The following CSMD1 variants were observed in gnomAD, a reference collection of about 807,000 sequenced individuals.
CSMD1 encodes CUB and Sushi multiple domains 1.
CSMD1 carries 213 observed loss-of-function variants against 417.5 expected under a neutral mutation model. The observed-to-expected ratio is 0.51, with a 90% confidence interval of 0.46 to 0.57. CSMD1 has a LOEUF of 0.57. Ranked by LOEUF, CSMD1 falls within the 20% of genes least tolerant of loss-of-function variation. The pLI is 0.00. For synonymous variants in CSMD1, 2,862 were observed against 1,736.8 expected (o/e 1.65, Z -16.11); for missense variants, 6,923 against 4,529.7 (o/e 1.53, Z -15.17).
intron 2 of CSMD1, among the ~76,000 whole-genome samples, chr8:4,431,571 A>G (rs1480859708): frequency 6.6e-6 from 1 of 152,138 alleles, no homozygotes; most frequent in Non-Finnish European, 1.5e-5. Flanking sequence ...CCCCATTTCA[A>G]AACTTTGCTC....
At chr8:4,146,242 C>G (rs1271106684) in intron 3 of CSMD1, among the ~76,000 whole-genome samples, 1 of 151,002 alleles carries the variant, frequency 6.6e-6, no homozygotes, top group Non-Finnish European at 1.5e-5. Context: ...AAACCTCTCC[C>G]AGGACCCTCA....
intron 11 of CSMD1, among the ~76,000 whole-genome samples, chr8:3,474,344 C>T (rs946346053): frequency 6.6e-6 from 1 of 152,050 alleles, no homozygotes; most frequent in Non-Finnish European, 1.5e-5. Flanking sequence ...GGAGCTGTCA[C>T]ATGTGTAAAT....
chr8:4,025,969 T>C (rs1797044394), intron 4 of CSMD1, among the ~76,000 whole-genome samples: 1 of 151,070 alleles, frequency 6.6e-6, no homozygotes, highest in Non-Finnish European at 1.5e-5. Flanking sequence ...TGGCAAAAGA[T>C]CATTGTAGAA....
intron 3 of CSMD1, among the ~76,000 whole-genome samples, chr8:4,153,658 C>T (rs1475090572): frequency 2.0e-5 from 3 of 152,196 alleles, no homozygotes; most frequent in Admixed American, 2.0e-4. Context: ...CCTTTATTTT[C>T]TCATAACGTC....
At chr8:4,523,717 C>G (rs1302491061) in intron 2 of CSMD1, among the ~76,000 whole-genome samples, 1 of 152,180 alleles carries the variant, frequency 6.6e-6, no homozygotes, top group Non-Finnish European at 1.5e-5. Context: ...CTCCTGTTCA[C>G]ACCTCATGGA....
chr8:4,492,835 C>A (rs2130226855), intron 2 of CSMD1, among the ~76,000 whole-genome samples: 1 of 152,314 alleles, frequency 6.6e-6, no homozygotes, highest in South Asian at 2.1e-4. Context: ...GATGCTGCTT[C>A]TCATGCATAC....
Position 3,768,798 on chromosome 8 carries a change from G to T in CSMD1, c.819-14756C>A, listed in dbSNP as rs573784874. 3.9e-5 allele frequency among the ~76,000 whole-genome samples: 6 copies of T among 152,316 alleles called. No homozygotes were observed. In the East Asian group the frequency reaches 1.2e-3, roughly 29 times the overall value. ...AATCGTAAGGCTTGTCCTAAGTTTT[G>T]CTGGTAACTTGCTAATCCATTACTT... is the stretch of plus-strand genomic sequence containing the variant. On this transcript the variant is annotated intron_variant, in intron 5 of 69. Transcript: ENST00000635120.
At chr8:4,828,983 T>C (rs1033773639) in intron 1 of CSMD1, among the ~76,000 whole-genome samples, 3 of 152,164 alleles carry the variant, frequency 2.0e-5, no homozygotes, top group Non-Finnish European at 4.4e-5. Flanking sequence ...TGACACATGA[T>C]TATTTATCAA....
intron 2 of CSMD1, among the ~76,000 whole-genome samples, chr8:4,443,182 T>C (rs535981597): frequency 6.6e-6 from 1 of 152,332 alleles, no homozygotes; most frequent in South Asian, 2.1e-4. Flanking sequence ...CTTACAGTGA[T>C]ATATTACTGA....
chr8:4,103,996 C>A (rs778440532), intron 3 of CSMD1, among the ~76,000 whole-genome samples: 2 of 152,208 alleles, frequency 1.3e-5, no homozygotes, highest in South Asian at 4.1e-4. Context: ...AAGAGTGCCC[C>A]AGCTGCACAC....
intron 2 of CSMD1, among the ~76,000 whole-genome samples, chr8:4,462,702 T>A (rs902477214): frequency 6.6e-6 from 1 of 152,222 alleles, no homozygotes; most frequent in Non-Finnish European, 1.5e-5. Flanking sequence ...CCCGTCAATT[T>A]GATTTTTGAC....
intron 5 of CSMD1, among the ~76,000 whole-genome samples, chr8:3,995,987 T>C (rs759517532): frequency 5.9e-5 from 9 of 152,194 alleles, no homozygotes; most frequent in Non-Finnish European, 1.2e-4. Flanking sequence ...GTAGTCTCTC[T>C]GGCTATCTGT....
intron 7 of CSMD1, among the ~76,000 whole-genome samples, chr8:3,629,465 T>G (rs1796665819): frequency 6.6e-6 from 1 of 152,230 alleles, no homozygotes; most frequent in Non-Finnish European, 1.5e-5. Context: ...TGGGAAAATT[T>G]AATGACATGG....
intron 26 of CSMD1, among the ~76,000 whole-genome samples, chr8:3,237,477 C>A (rs1367873771): frequency 6.7e-6 from 1 of 149,122 alleles, no homozygotes; most frequent in Admixed American, 6.7e-5. Context: ...ACCAAAAAAC[C>A]ACAACTTTGC....
chr8:4,235,731 G>T (rs891852940), intron 3 of CSMD1, among the ~76,000 whole-genome samples: 5 of 152,160 alleles, frequency 3.3e-5, no homozygotes, highest in Non-Finnish European at 5.9e-5. Flanking sequence ...GTTCTCACAT[G>T]CAAGTGTAAT....
At chr8:3,926,055 C>T (rs56862572) in intron 5 of CSMD1, among the ~76,000 whole-genome samples, 739 of 34,594 alleles carry the variant, frequency 0.021, 30 homozygotes, top group African/African-American at 0.17. Context: ...ACACCATATA[C>T]ACACACACAC....
intron 10 of CSMD1, among the ~76,000 whole-genome samples, chr8:3,544,617 G>C (rs1379707613): frequency 6.6e-6 from 1 of 152,048 alleles, no homozygotes; most frequent in Non-Finnish European, 1.5e-5. Context: ...ACAAAGGCGG[G>C]GGCCCTGGGA....
At chr8:4,307,243 C>T (rs935501480) in intron 3 of CSMD1, among the ~76,000 whole-genome samples, 5 of 152,140 alleles carry the variant, frequency 3.3e-5, no homozygotes, top group Admixed American at 3.3e-4. Flanking sequence ...GTGAGTCTAA[C>T]ATATGCTAAT....
chr8:4,177,504 C>A (rs1413489946), intron 3 of CSMD1, among the ~76,000 whole-genome samples: 1 of 152,076 alleles, frequency 6.6e-6, no homozygotes, highest in Non-Finnish European at 1.5e-5. Flanking sequence ...GACACCCGAA[C>A]ATCACAATTA....
Sources: allele counts gnomAD v4.1 joint callset (sites outside exome capture counted in the v4.1 genomes callset), GRCh38; gene constraint gnomAD v4.1.1; transcripts MANE v1.5; gene names NCBI Gene and HGNC (gene_info 2026-07-23, HGNC 2026-07-21).